The following PPP4R4 variants were observed in gnomAD, a reference collection of about 807,000 sequenced individuals.
The protein encoded by PPP4R4 is protein phosphatase 4 regulatory subunit 4, also known as serine/threonine-protein phosphatase 4 regulatory subunit 4.
In PPP4R4, 70 loss-of-function variants were observed where a neutral mutation model predicts 121.8. The observed-to-expected ratio is 0.57, with a 90% CI of 0.47 to 0.70. PPP4R4 has a LOEUF of 0.70. Among genes scored for constraint, PPP4R4 ranks in the 30% least tolerant of loss-of-function variants. The pLI, the probability that PPP4R4 is intolerant of heterozygous loss-of-function variation, is 0.00. For synonymous variants in PPP4R4, 348 were observed against 355.7 expected (o/e 0.98, Z 0.24); for missense variants, 875 against 1,033.6 (o/e 0.85, Z 2.10).
intron 13 of PPP4R4, among the ~76,000 whole-genome samples, chr14:94,245,885 A>G (rs186348228): frequency 4.6e-5 from 7 of 152,154 alleles, no homozygotes; most frequent in Admixed American, 3.9e-4. Flanking sequence ...ATTGTTGTCT[A>G]TTGTCTTTGG....
chr14:94,265,330 T>C (rs1463844150), intron 20 of PPP4R4, 57 bp from the exon 21 acceptor site: 1 of 1,252,350 alleles, frequency 8.0e-7, no homozygotes, highest in Non-Finnish European at 1.2e-6. Context: ...TGTGTATTTA[T>C]GGAGATTAAT....
chr14:94,264,274 G>T (rs972187242), intron 19 of PPP4R4, among the ~76,000 whole-genome samples: 9 of 152,060 alleles, frequency 5.9e-5, no homozygotes, highest in African/African-American at 1.9e-4. Context: ...TTAGCCTCCT[G>T]AGTAGCTGGG....
Position 94,214,937 on chromosome 14 carries a change from A to T in PPP4R4, c.294+6371A>T, listed in dbSNP as rs112162945. On this transcript the variant is annotated intron_variant, in intron 3 of 24. Transcript: ENST00000304338. ...TATTTAAAATATTGTATAAAATTAC[A>T]TTCAGCCTATGTGTATAAAATGTAT... is the stretch of plus-strand genomic sequence containing the variant. Among the ~76,000 whole-genome samples, 32 of 152,340 alleles carry T rather than the reference A, an allele frequency of 2.1e-4. No homozygotes were observed. In the South Asian group the frequency reaches 5.2e-3, roughly 25 times the overall value.
At chr14:94,266,220 T>C (rs1894046415) in intron 22 of PPP4R4, among the ~76,000 whole-genome samples, 1 of 152,148 alleles carries the variant, frequency 6.6e-6, no homozygotes, top group Non-Finnish European at 1.5e-5. Context: ...TGTTCCATTA[T>C]CTAAATGTAT....
intron 4 of PPP4R4, among the ~76,000 whole-genome samples, chr14:94,231,002 A>G (rs1892003515): frequency 6.6e-6 from 1 of 152,212 alleles, no homozygotes; most frequent in African/African-American, 2.4e-5. Flanking sequence ...TCATGTTTAT[A>G]GTATTGTACA....
intron 3 of PPP4R4, among the ~76,000 whole-genome samples, chr14:94,219,570 A>AGC (rs1891271196): frequency 6.6e-6 from 1 of 152,192 alleles, no homozygotes; most frequent in Non-Finnish European, 1.5e-5. Flanking sequence ...ATATATACTC[A>AGC]TGAGCGTAGA....
chr14:94,272,594 G>T (rs1441497897), intron 23 of PPP4R4, among the ~76,000 whole-genome samples: 1 of 152,010 alleles, frequency 6.6e-6, no homozygotes. Flanking sequence ...CCTGCTTATG[G>T]TAATGACATT....
At chr14:94,177,104 A>G (rs897848255) in intron 2 of PPP4R4, among the ~76,000 whole-genome samples, 3 of 152,022 alleles carry the variant, frequency 2.0e-5, no homozygotes, top group Admixed American at 2.0e-4. Context: ...CAGGTCTTCA[A>G]TTTTCTTAAT....
At chr14:94,193,238 A>G (rs1382133295) in intron 2 of PPP4R4, among the ~76,000 whole-genome samples, 3 of 152,146 alleles carry the variant, frequency 2.0e-5, no homozygotes, top group Non-Finnish European at 2.9e-5. Flanking sequence ...TGCATAGCTT[A>G]GGAGCAGGAG....
At chr14:94,230,994 A>T (rs1197783544) in intron 4 of PPP4R4, among the ~76,000 whole-genome samples, 1 of 152,202 alleles carries the variant, frequency 6.6e-6, no homozygotes, top group Non-Finnish European at 1.5e-5. Flanking sequence ...TCTAGCAGTC[A>T]TGTTTATAGT....
At chr14:94,246,560 C>G (rs768183900) in intron 14 of PPP4R4, 21 bp downstream of exon 14, 1 of 1,586,142 alleles carries the variant, frequency 6.3e-7, no homozygotes, top group African/African-American at 1.4e-5. Context: ...TACCTTTCAT[C>G]TTATTCTTTT....
chr14:94,257,500 G>A (rs1893537724), intron 17 of PPP4R4, among the ~76,000 whole-genome samples: 1 of 151,958 alleles, frequency 6.6e-6, no homozygotes, highest in Non-Finnish European at 1.5e-5. Context: ...ATCATTGCCA[G>A]ATGTCACATG....
chr14:94,241,375 T>G (rs1242934590), intron 9 of PPP4R4, among the ~76,000 whole-genome samples: 1 of 152,114 alleles, frequency 6.6e-6, no homozygotes. Context: ...GATTCAATTT[T>G]TAAGCTCCTT....
chr14:94,180,788 CG>C (rs1888938152), intron 2 of PPP4R4, among the ~76,000 whole-genome samples: 1 of 151,806 alleles, frequency 6.6e-6, no homozygotes, highest in African/African-American at 2.4e-5. Context: ...CCACTGCCCC[CG>C]ATCATAAAGT....
chr14:94,184,131 A>G (rs1322110704), intron 2 of PPP4R4, among the ~76,000 whole-genome samples: 1 of 152,154 alleles, frequency 6.6e-6, no homozygotes, highest in Non-Finnish European at 1.5e-5. Flanking sequence ...AATTATAACT[A>G]ATTAGTTCCC....
intron 3 of PPP4R4, chr14:94,227,498 G>A (rs1478183895): frequency 1.5e-6 from 2 of 1,373,528 alleles, no homozygotes; most frequent in Non-Finnish European, 1.9e-6. Context: ...GACAGTCCCA[G>A]ATGTTGAAGT....
chr14:94,217,142 T>A (rs1359393368), intron 3 of PPP4R4, among the ~76,000 whole-genome samples: 3 of 152,110 alleles, frequency 2.0e-5, no homozygotes, highest in African/African-American at 7.2e-5. Context: ...ATTAGCCTAG[T>A]GTGTAGTAAC....
At position 94,240,795 on chromosome 14, in the gene PPP4R4, G is replaced by A; in HGVS notation, c.976G>A (p.Gly326Arg). The change falls in exon 9 of 25, where the codon GGA (glycine) becomes AGA (arginine). Residue 326 changes from glycine (G) to arginine (R), a missense_variant and splice_region_variant. Physicochemically the swap from Gly to Arg is moderately radical, Grantham distance 125 (BLOSUM62 -2). Coordinates refer to ENST00000304338, the MANE Select transcript of PPP4R4 (RefSeq NM_058237.2). ...HLGKLCHGLY[G>R]IFTPDQHLRF... ...AGGAAAACTATGTCATGGACTATAT[G>A]GTATGATATATCCTAAGAATTTTGA... 2 of 1,561,076 alleles carry A rather than the reference G, an allele frequency of 1.3e-6. No individual in the cohort carries two copies. Among genetic ancestry groups the A allele is most frequent in the Non-Finnish European group, 1.7e-6 (2 of 1,159,730 alleles).
Position 94,279,216 on chromosome 14 carries a change from C to A in PPP4R4, c.*573C>A, listed in dbSNP as rs1381051964. ...ACAATATGTTGTACCCGGACATTCC[C>A]AAATTTAAATTTGGCAGTGAAAATT... On this transcript the variant is annotated 3_prime_UTR_variant, in exon 25 of 25. Coordinates refer to ENST00000304338, the MANE Select transcript of PPP4R4 (RefSeq NM_058237.2). The A allele has an allele frequency of 6.6e-6, 1 of 152,556 alleles. No individual in the cohort carries two copies. Among genetic ancestry groups the A allele is most frequent in the Non-Finnish European group, 1.5e-5 (1 of 68,030 alleles). The allele number at this position is 152,556 out of a possible 1,614,324, so 9.5% of individuals were successfully genotyped here. A position where few individuals can be genotyped will look rare whatever the true frequency, so the allele number is the denominator to read the frequency against.
Sources: allele counts gnomAD v4.1 joint callset (sites outside exome capture counted in the v4.1 genomes callset), GRCh38; gene constraint gnomAD v4.1.1; transcripts MANE v1.5; gene names NCBI Gene and HGNC (gene_info 2026-07-23, HGNC 2026-07-21).